SLC15A2: variants seen among roughly 807,000 people sequenced by gnomAD.
SLC15A2 encodes kidney H(+)/peptide cotransporter.
A neutral mutation model predicts 95.5 loss-of-function variants in SLC15A2; 77 were observed. That is an observed-to-expected ratio of 0.81 (90% CI 0.67 to 0.97). SLC15A2 has a LOEUF of 0.97. Ranked by LOEUF, SLC15A2 falls within the 50% of genes least tolerant of loss-of-function variation. The probability of loss-of-function intolerance (pLI) is 0.00; values close to 1 mark genes in which losing one functional copy is unlikely to be tolerated. For synonymous variants in SLC15A2, 306 were observed against 306.9 expected, an observed-to-expected ratio of 1.00 and a Z score of 0.03; for missense variants, 893 against 874.4, an observed-to-expected ratio of 1.02 and a Z score of -0.27.
In SLC15A2 at chr3:121,911,648, G is replaced by A; in HGVS notation, c.410G>A (p.Gly137Glu). The change falls in exon 4 of 22, where the codon GGA becomes GAA. Residue 137 changes from glycine to glutamate, a missense_variant. By Grantham distance (98) the Gly-to-Glu change is moderately conservative (BLOSUM62 -2). Transcript: ENST00000489711. The stretch of plus-strand genomic sequence containing the variant: ...TCCTTGGGTGCCTTACCAATACTGG[G>A]AGGACAAGTGGTACACACGTGAGTA... ...IKSLGALPIL[G>E]GQVVHTVLSL... 5.6e-6 allele frequency: 9 copies of A among 1,611,238 alleles called. No individual in the cohort carries two copies. The highest frequency in any genetic ancestry group is 7.6e-6 in the Non-Finnish European group (9 of 1,177,396).
chr3:121,902,248 A>G lies in SLC15A2; in HGVS notation c.335+4719A>G, dbSNP rs574745002. On this transcript the variant is annotated intron_variant, in intron 3 of 21. Transcript: ENST00000489711. ...GAAAACATTTTTAGTCATAGTTCCTAGATTTTATATCCTATTACCCAGGCT... is the reference window on the plus strand; with the variant it reads ...GAAAACATTTTTAGTCATAGTTCCTGGATTTTATATCCTATTACCCAGGCT... Among the ~76,000 whole-genome samples the G allele has an allele frequency of 8.5e-5, 13 of 152,208 alleles. 1 individual carries two copies. In the South Asian group the frequency reaches 1.0e-3, roughly 12 times the overall value.
chr3:121,915,360 G>T, intron 6 of SLC15A2, 43 bp downstream of exon 6: 1 of 1,388,390 alleles, frequency 7.2e-7, no homozygotes, highest in East Asian at 2.3e-5. Context: ...CTTTGCTCTG[G>T]TCAGCCAAAA....
chr3:121,928,601 G>C (rs1354000096), intron 15 of SLC15A2, 46 bp downstream of exon 15: 1 of 1,573,346 alleles, frequency 6.4e-7, no homozygotes, highest in African/African-American at 1.4e-5. Context: ...ATGCTATATT[G>C]ATCTTGATTT....
rs1559850504 is a variant in SLC15A2, at chr3:121,925,783, A to AT, written c.1124+750_1124+751insT. Among the ~76,000 whole-genome samples the AT allele has an allele frequency of 1.0e-3, 47 of 47,128 alleles. 1 individual carries two copies. Among genetic ancestry groups the AT allele is most frequent in the Non-Finnish European group, 1.4e-3 (33 of 24,200 alleles). The allele number at this position is 47,128 out of a possible 152,430, so 30.9% of individuals were successfully genotyped here. A position where few individuals can be genotyped will look rare whatever the true frequency, so the allele number is the denominator to read the frequency against. On this transcript the variant is annotated intron_variant, in intron 13 of 21. Transcript: ENST00000489711. ...ATATATATATATATATATATATATA[A>AT]AATACAACTACTACACAGGTAAAAT...
chr3:121,915,239 A>G lies in SLC15A2; in HGVS notation c.541A>G (p.Thr181Ala), dbSNP rs1189950120. Residue 181 changes from threonine (T) to alanine (A), a missense_variant, in exon 6 of 22, where the codon ACT (threonine) becomes GCT (alanine). Coordinates refer to ENST00000489711, the MANE Select transcript of SLC15A2 (RefSeq NM_021082.4). ...QFEEKHAEERTRYFSVFYLSI... is the reference protein window; with the variant it reads ...QFEEKHAEERARYFSVFYLSI... ...CTGTTTGTTTCAGGCAGAGGAACGG[A>G]CTAGATACTTCTCAGTCTTCTACCT... The G allele has an allele frequency of 1.2e-6, 2 of 1,612,914 alleles. No homozygotes were observed. The highest frequency in any genetic ancestry group is 1.7e-6 in the Non-Finnish European group (2 of 1,178,908).
chr3:121,896,253 T>C (rs1709410414), intron 1 of SLC15A2, among the ~76,000 whole-genome samples, 153 bp from the exon 2 acceptor site: 1 of 152,240 alleles, frequency 6.6e-6, no homozygotes, highest in Non-Finnish European at 1.5e-5. Context: ...CTTTTAGTGT[T>C]ACCTAATAGG....
intron 17 of SLC15A2, among the ~76,000 whole-genome samples, chr3:121,929,780 G>C (rs1710196693): frequency 6.6e-6 from 1 of 152,146 alleles, no homozygotes; most frequent in Non-Finnish European, 1.5e-5. Context: ...CACATTTGGA[G>C]TCAAAAGACT....
intron 4 of SLC15A2, 90 bp from the exon 5 acceptor site, chr3:121,912,931 A>G (rs755789355): frequency 4.1e-5 from 34 of 830,782 alleles, no homozygotes; most frequent in South Asian, 1.3e-4. Flanking sequence ...TTGCCCTTGT[A>G]CACATTTTTT....
Position 121,925,012 on chromosome 3 carries a change from C to A in SLC15A2, c.1103C>A (p.Ser368Tyr). 1 of 1,612,754 alleles carries A rather than the reference C, an allele frequency of 6.2e-7. No homozygotes were observed. Among genetic ancestry groups the A allele is most frequent in the Non-Finnish European group, 8.5e-7 (1 of 1,178,844 alleles). ...GACTTTGTCATTTATCGTCTGGTCT[C>A]CAAGTGTGGAATTAACTTCTCGTAA... is the stretch of plus-strand genomic sequence containing the variant. ...LFDFVIYRLV[S>Y]KCGINFSSLR... The change falls in exon 13 of 22, where the codon TCC (serine) becomes TAC (tyrosine). Residue 368 changes from serine (S) to tyrosine (Y), a missense_variant. Transcript: ENST00000489711.
intron 7 of SLC15A2, among the ~76,000 whole-genome samples, chr3:121,917,765 A>G (rs1325912362): frequency 6.6e-6 from 1 of 152,184 alleles, no homozygotes; most frequent in African/African-American, 2.4e-5. Context: ...TAAAGGAATG[A>G]CATTTAAGGT....
chr3:121,934,880 G>A (rs1172940971), intron 19 of SLC15A2, among the ~76,000 whole-genome samples: 10 of 151,914 alleles, frequency 6.6e-5, no homozygotes, highest in African/African-American at 1.2e-4. Context: ...TGCCCATTCA[G>A]TATGATATTG....
rs1710444769 is a variant in SLC15A2, at chr3:121,940,733, G to T, written c.2014-98G>T. On this transcript the variant is annotated intron_variant, in intron 21 of 21. Coordinates refer to ENST00000489711, the MANE Select transcript of SLC15A2 (RefSeq NM_021082.4). ...GTCCAGCAAAAGTCTGGTTAAACTG[G>T]TGATCCCAGGTCAGTCTGCTCCCCA... The T allele has an allele frequency of 3.9e-6, 5 of 1,297,710 alleles. No homozygotes were observed. The African/African-American group carries it at 5.9e-5, about 15-fold the overall frequency. The allele number at this position is 1,297,710 out of a possible 1,614,324, so 80.4% of individuals were successfully genotyped here. A position where few individuals can be genotyped will look rare whatever the true frequency, so the allele number is the denominator to read the frequency against.
intron 3 of SLC15A2, among the ~76,000 whole-genome samples, chr3:121,910,870 T>C (rs1709753357): frequency 6.6e-6 from 1 of 152,224 alleles, no homozygotes; most frequent in African/African-American, 2.4e-5. Flanking sequence ...GTTCAAGTTC[T>C]TTGAGAAAAC....
chr3:121,894,568 A>G lies in SLC15A2; in HGVS notation c.92A>G (p.Lys31Arg). 6.2e-7 allele frequency: 1 copy of G among 1,613,680 alleles called. No homozygotes were observed. Among genetic ancestry groups the G allele is most frequent in the East Asian group, 2.2e-5 (1 of 44,876 alleles). ...EVPPRPPSPP[K>R]KPSPTICGSN... ...CCACCTCGACCACCTAGCCCTCCAA[A>G]GAAGCCATCTCCGGTGAGTCCTTAG... The change falls in exon 1 of 22, where the codon AAG becomes AGG. Residue 31 changes from lysine to arginine, a missense_variant. Lys to Arg is a conservative substitution (Grantham distance 26, BLOSUM62 2). Transcript: ENST00000489711.
intron 3 of SLC15A2, among the ~76,000 whole-genome samples, chr3:121,904,605 T>G (rs1004505311): frequency 1.3e-5 from 2 of 152,274 alleles, no homozygotes; most frequent in Non-Finnish European, 2.9e-5. Context: ...TCTATTGAGA[T>G]AATCATGTGG....
At chr3:121,904,768 G>C (rs1034982367) in intron 3 of SLC15A2, among the ~76,000 whole-genome samples, 1 of 152,192 alleles carries the variant, frequency 6.6e-6, no homozygotes, top group Non-Finnish European at 1.5e-5. Context: ...TTTTATTGAG[G>C]ATTTTCACAT....
intron 3 of SLC15A2, among the ~76,000 whole-genome samples, chr3:121,899,240 G>A (rs1318343278): frequency 2.0e-5 from 3 of 152,108 alleles, no homozygotes; most frequent in Non-Finnish European, 4.4e-5. Context: ...CCTTCTTGAT[G>A]TATTTATTAT....
At chr3:121,896,290 C>A in intron 1 of SLC15A2, 116 bp from the exon 2 acceptor site, 3 of 796,712 alleles carry the variant, frequency 3.8e-6, no homozygotes, top group Non-Finnish European at 4.4e-6. Flanking sequence ...GAGACCATTG[C>A]TCCATTACCT....
Position 121,941,012 on chromosome 3 carries a change from T to A in SLC15A2, c.*5T>A. The A allele has an allele frequency of 6.2e-7, 1 of 1,611,366 alleles. No individual in the cohort carries two copies. The highest frequency in any genetic ancestry group is 8.5e-7 in the Non-Finnish European group (1 of 1,178,850). Reference sequence around the variant, plus strand: ...ACCAAGAAGACAAAACTCTGATGACTCCCTAGATTCTGTCCTGACCCCAAT... The same window carrying A: ...ACCAAGAAGACAAAACTCTGATGACACCCTAGATTCTGTCCTGACCCCAAT... On this transcript the variant is annotated 3_prime_UTR_variant, in exon 22 of 22. Transcript: ENST00000489711.
Sources: allele counts gnomAD v4.1 joint callset (sites outside exome capture counted in the v4.1 genomes callset), GRCh38; gene constraint gnomAD v4.1.1; transcripts MANE v1.5; gene names NCBI Gene and HGNC (gene_info 2026-07-23, HGNC 2026-07-21).